Variants in NDUFB9 observed in about 807,000 individuals in gnomAD.
The protein encoded by NDUFB9 is NADH dehydrogenase [ubiquinone] 1 beta subcomplex subunit 9.
NDUFB9 carries 24 observed loss-of-function variants against 30.2 expected under a neutral mutation model. That is an observed-to-expected ratio of 0.80 (90% confidence interval 0.58 to 1.12). The LOEUF (loss-of-function observed/expected upper bound fraction) is 1.12. Ranked by LOEUF, NDUFB9 falls within the 50% of genes most tolerant of loss-of-function variation. The pLI is 0.00. For missense variants in NDUFB9, 204 were observed against 226.0 expected, an observed-to-expected ratio of 0.90 and a Z score of 0.62; for synonymous variants, 80 against 84.0, an observed-to-expected ratio of 0.95 and a Z score of 0.26.
At chr8:124,545,976 G>A (rs944220376) in intron 2 of NDUFB9, among the ~76,000 whole-genome samples, 1 of 152,140 alleles carries the variant, frequency 6.6e-6, no homozygotes. Flanking sequence ...CCAAGTAGCT[G>A]GGATTACAGG....
At position 124,546,987 on chromosome 8, in the gene NDUFB9, C is replaced by T; in HGVS notation, c.295-13C>T. 1.3e-6 allele frequency: 2 copies of T among 1,582,082 alleles called. No individual in the cohort carries two copies. ...GTCCTGTGGATTGATACCATGATTT[C>T]CTCTCCTGACAGGTCCCAGAATGGT... On this transcript the variant is annotated splice_polypyrimidine_tract_variant and intron_variant, in intron 2 of 3. Coordinates refer to ENST00000276689, the MANE Select transcript of NDUFB9 (RefSeq NM_005005.3).
rs957493142 is a variant in NDUFB9 at position 124,539,133 on chromosome 8, A to G, written c.-54A>G. On this transcript the variant is annotated 5_prime_UTR_variant, in exon 1 of 4. Coordinates refer to ENST00000276689, the MANE Select transcript of NDUFB9 (RefSeq NM_005005.3). ...CGGCTGGCCCCGCTCAGTCACCCGC[A>G]GCAGGCGTGCAGTTTCCCGGCTCTC... 27 of 1,613,194 alleles carry G rather than the reference A, an allele frequency of 1.7e-5. No homozygotes were observed. In the South Asian group the frequency reaches 2.6e-4, roughly 16 times the overall value.
chr8:124,543,210 G>A lies in NDUFB9; in HGVS notation c.225G>A (p.Gln75=), dbSNP rs200253459. 103 of 1,614,106 alleles carry A rather than the reference G, an allele frequency of 6.4e-5. No homozygotes were observed. The highest frequency in any genetic ancestry group is 8.1e-5 in the Non-Finnish European group (95 of 1,180,040). The change falls in exon 2 of 4, where the codon CAG becomes CAA. Residue 75 remains glutamine (Q), a synonymous_variant. Coordinates refer to ENST00000276689, the MANE Select transcript of NDUFB9 (RefSeq NM_005005.3). Reference sequence around the variant, plus strand: ...CCGAGGAAGAATTCTGGTACCGTCAGCATCCACAGCCATACATCTTCCCTG... The same window carrying A: ...CCGAGGAAGAATTCTGGTACCGTCAACATCCACAGCCATACATCTTCCCTG... ...KEAEEEFWYR[Q]HPQPYIFPDS... is the part of the protein sequence containing the mutation.
At chr8:124,542,893 C>G (rs1359615708) in intron 1 of NDUFB9, 194 bp from the exon 2 acceptor site, 1 of 477,280 alleles carries the variant, frequency 2.1e-6, no homozygotes, top group African/African-American at 2.2e-5. Flanking sequence ...ATATTTAATA[C>G]AGTATTTTTT....
intron 3 of NDUFB9, 51 bp from the exon 4 acceptor site, chr8:124,549,710 T>A (rs756414857): frequency 6.3e-7 from 1 of 1,578,390 alleles, no homozygotes. Flanking sequence ...GACAGATTTT[T>A]ATAGTCAATT....
intron 1 of NDUFB9, among the ~76,000 whole-genome samples, chr8:124,541,179 T>TA (rs542420500): frequency 6.0e-5 from 9 of 149,554 alleles, no homozygotes; most frequent in Non-Finnish European, 1.0e-4. Flanking sequence ...AAAATAATAA[T>TA]AAAAAAAAAA....
In NDUFB9 at chr8:124,543,135, A is replaced by G. The variant is rs1822063984; in HGVS notation, c.150A>G (p.Glu50=). ...GTTTGATGAGAGCCCGGTTTGAAGA[A>G]CATAAGAATGAAAAGGATATGGCGA... ...FACLMRARFE[E]HKNEKDMAKA... The change falls in exon 2 of 4, where the codon GAA becomes GAG. Residue 50 remains glutamate (E), a synonymous_variant. Coordinates refer to ENST00000276689, the MANE Select transcript of NDUFB9 (RefSeq NM_005005.3). The G allele has an allele frequency of 6.2e-7, 1 of 1,614,142 alleles. No homozygotes were observed. The highest frequency in any genetic ancestry group is 1.1e-5 in the South Asian group (1 of 91,092).
At chr8:124,542,746 A>G (rs1822047879) in intron 1 of NDUFB9, among the ~76,000 whole-genome samples, 1 of 151,470 alleles carries the variant, frequency 6.6e-6, no homozygotes, top group Middle Eastern at 3.2e-3. Context: ...GGAAGTTGTC[A>G]TTCAATGAAT....
In NDUFB9 at chr8:124,539,125, T is replaced by G; in HGVS notation, c.-62T>G. 6.2e-7 allele frequency: 1 copy of G among 1,612,966 alleles called. No homozygotes were observed. The highest frequency in any genetic ancestry group is 1.1e-5 in the South Asian group (1 of 91,060). The stretch of plus-strand genomic sequence containing the variant: ...CGCCCTTCCGGCTGGCCCCGCTCAG[T>G]CACCCGCAGCAGGCGTGCAGTTTCC... On this transcript the variant is annotated 5_prime_UTR_variant, in exon 1 of 4. Transcript: ENST00000276689.
intron 2 of NDUFB9, 145 bp from the exon 3 acceptor site, chr8:124,546,854 TC>T (rs1325674750): frequency 4.3e-5 from 32 of 741,886 alleles, no homozygotes; most frequent in Middle Eastern, 3.6e-4. Context: ...CCTCTGCTGT[TC>T]CTTGCTTAGA....
At chr8:124,542,926 G>C (rs886545346) in intron 1 of NDUFB9, 161 bp from the exon 2 acceptor site, 1 of 699,250 alleles carries the variant, frequency 1.4e-6, no homozygotes, top group Non-Finnish European at 2.5e-6. Flanking sequence ...TTGGTGGGCT[G>C]TAGAGGAAGC....
intron 1 of NDUFB9, among the ~76,000 whole-genome samples, chr8:124,540,830 C>A (rs1485217415): frequency 2.0e-5 from 3 of 152,142 alleles, no homozygotes; most frequent in Non-Finnish European, 4.4e-5. Context: ...GCTGTCACCA[C>A]CTGCGCTCAT....
chr8:124,548,441 T>G (rs973187841), intron 3 of NDUFB9, among the ~76,000 whole-genome samples: 1 of 151,942 alleles, frequency 6.6e-6, no homozygotes, highest in African/African-American at 2.4e-5. Context: ...CCAGAATGAG[T>G]GGGTGCAGCA....
chr8:124,546,774 A>C, intron 2 of NDUFB9: 1 of 591,612 alleles, frequency 1.7e-6, no homozygotes, highest in Non-Finnish European at 3.0e-6. Context: ...CCTTGGACTG[A>C]TGATGGTGCT....
chr8:124,544,226 G>A (rs1223673960), intron 2 of NDUFB9, among the ~76,000 whole-genome samples: 2 of 152,132 alleles, frequency 1.3e-5, no homozygotes, highest in Non-Finnish European at 2.9e-5. Context: ...AGAGAGATGA[G>A]GAAGCTGCAG....
At chr8:124,545,691 G>A (rs1822137556) in intron 2 of NDUFB9, among the ~76,000 whole-genome samples, 1 of 152,012 alleles carries the variant, frequency 6.6e-6, no homozygotes, top group African/African-American at 2.4e-5. Flanking sequence ...ACCACACCTA[G>A]CTAATTTATT....
intron 1 of NDUFB9, among the ~76,000 whole-genome samples, chr8:124,540,912 A>G (rs1018667996): frequency 2.0e-5 from 3 of 152,180 alleles, no homozygotes; most frequent in Non-Finnish European, 2.9e-5. Context: ...GCTCACGCCT[A>G]TAATCCCAGT....
At chr8:124,539,326 C>G (rs7010411) in intron 1 of NDUFB9, 39 bp downstream of exon 1, 8 of 1,605,750 alleles carry the variant, frequency 5.0e-6, no homozygotes, top group Non-Finnish European at 6.8e-6. Flanking sequence ...AGGTGACCCT[C>G]GGGGCCCCAT....
In NDUFB9 at chr8:124,547,075, C is replaced by G. The variant is rs768136192; in HGVS notation, c.370C>G (p.Gln124Glu). The change falls in exon 3 of 4, where the codon CAG (glutamine) becomes GAG (glutamate). Residue 124 changes from glutamine to glutamate, a missense_variant. Coordinates refer to ENST00000276689, the MANE Select transcript of NDUFB9 (RefSeq NM_005005.3). ...MYPDYFAKRE[Q>E]WKKLRRESWE... ...TCCTGATTACTTTGCCAAGAGAGAACAGTGGAAGAAACTGCGGAGGGAAAG... is the reference window on the plus strand; with the variant it reads ...TCCTGATTACTTTGCCAAGAGAGAAGAGTGGAAGAAACTGCGGAGGGAAAG... The G allele has an allele frequency of 4.3e-6, 7 of 1,613,754 alleles. No homozygotes were observed. Among genetic ancestry groups the G allele is most frequent in the Non-Finnish European group, 5.9e-6 (7 of 1,179,982 alleles).
Sources: allele counts gnomAD v4.1 joint callset (sites outside exome capture counted in the v4.1 genomes callset), GRCh38; gene constraint gnomAD v4.1.1; transcripts MANE v1.5; gene names NCBI Gene and HGNC (gene_info 2026-07-23, HGNC 2026-07-21).